The following PCDHA5 variants were observed in gnomAD, a reference collection of about 807,000 sequenced individuals.
The protein encoded by PCDHA5 is protocadherin alpha 5.
PCDHA5 carries 43 observed loss-of-function variants against 61.6 expected under a neutral mutation model. The observed-to-expected ratio is 0.70, with a 90% CI of 0.55 to 0.90. PCDHA5 has a LOEUF of 0.90. Among genes scored for constraint, PCDHA5 ranks in the 40% least tolerant of loss-of-function variants. The pLI, the probability that PCDHA5 is intolerant of heterozygous loss-of-function variation, is 0.00. For synonymous variants in PCDHA5, 627 were observed against 543.9 expected, an observed-to-expected ratio of 1.15 and a Z score of -2.13; for missense variants, 1,298 against 1,222.7, an observed-to-expected ratio of 1.06 and a Z score of -0.92.
rs911070094 is a variant in PCDHA5, at chr5:141,009,570, G to A, written c.2501-57G>A. On this transcript the variant is annotated intron_variant, in intron 3 of 3. Coordinates refer to ENST00000529859, the MANE Select transcript of PCDHA5 (RefSeq NM_018908.3). ...AGTACTCCTGTACTCTACCAGCAGT[G>A]TGGCATCAAGAGCATGTGTTGACCC... The A allele has an allele frequency of 1.9e-6, 3 of 1,577,968 alleles. No homozygotes were observed. In the Admixed American group the frequency reaches 5.2e-5, roughly 28 times the overall value.
intron 1 of PCDHA5, chr5:140,858,360 G>T: frequency 6.3e-7 from 1 of 1,592,532 alleles, no homozygotes; most frequent in Non-Finnish European, 8.6e-7. Context: ...ATGGCCTTCA[G>T]CCCCAGCCTT....
chr5:140,935,894 CT>C (rs55841305), intron 1 of PCDHA5, among the ~76,000 whole-genome samples: 1,605 of 136,716 alleles, frequency 0.012, 14 homozygotes, highest in Non-Finnish European at 0.016. Context: ...TCAATATTAT[CT>C]TTTTTTTTTT....
intron 1 of PCDHA5, among the ~76,000 whole-genome samples, chr5:140,920,592 T>C (rs1226483981): frequency 6.6e-6 from 1 of 152,158 alleles, no homozygotes; most frequent in Non-Finnish European, 1.5e-5. Flanking sequence ...ACGCCTGTAA[T>C]CCCAGCACTT....
chr5:140,868,951 A>C (rs2050753987), intron 1 of PCDHA5: 1 of 1,321,466 alleles, frequency 7.6e-7, no homozygotes, highest in African/African-American at 1.5e-5. Context: ...ACAGTGAGGC[A>C]CTCCCATACA....
At chr5:140,877,443 C>G (rs376417721) in intron 1 of PCDHA5, 15 of 1,613,726 alleles carry the variant, frequency 9.3e-6, no homozygotes, top group African/African-American at 1.3e-5. Context: ...ACGGTGAGCC[C>G]GCGCTGACGT....
At chr5:140,833,928 T>C (rs954480952) in intron 1 of PCDHA5, among the ~76,000 whole-genome samples, 1 of 152,174 alleles carries the variant, frequency 6.6e-6, no homozygotes, top group Admixed American at 6.6e-5. Context: ...TAAATTCATG[T>C]TGTCACTTAG....
At chr5:140,944,846 G>A (rs269554) in intron 1 of PCDHA5, among the ~76,000 whole-genome samples, 33,882 of 151,952 alleles carry the variant, frequency 0.22, 4,860 homozygotes, top group African/African-American at 0.41. Context: ...TGAGATATTA[G>A]AATCATCCTT....
chr5:140,942,926 GAA>G (rs1554215307), intron 1 of PCDHA5, among the ~76,000 whole-genome samples: 2 of 151,984 alleles, frequency 1.3e-5, no homozygotes, highest in East Asian at 3.9e-4. Flanking sequence ...AAAAAAAATT[GAA>G]AAAGAGTTTA....
intron 1 of PCDHA5, chr5:140,882,945 T>C (rs1554176195): frequency 6.2e-7 from 1 of 1,614,194 alleles, no homozygotes; most frequent in Non-Finnish European, 8.5e-7. Flanking sequence ...ACTGGCACAG[T>C]TCAGCTGCTC....
chr5:140,869,030 T>C (rs1049032233), intron 1 of PCDHA5: 5 of 1,526,396 alleles, frequency 3.3e-6, no homozygotes, highest in Non-Finnish European at 4.4e-6. Flanking sequence ...TTCAACGAGA[T>C]TTTTAACCTG....
At chr5:140,959,754 T>C (rs1265254392) in intron 1 of PCDHA5, among the ~76,000 whole-genome samples, 1 of 152,222 alleles carries the variant, frequency 6.6e-6, no homozygotes, top group East Asian at 1.9e-4. Flanking sequence ...TAAAGTATAT[T>C]TTAATATTCA....
intron 1 of PCDHA5, chr5:140,836,576 A>C (rs1554136097): frequency 1.2e-6 from 2 of 1,613,572 alleles, no homozygotes; most frequent in African/African-American, 1.3e-5. Flanking sequence ...CTGAGGGCGC[A>C]TGTAGTTTGG....
rs1767016951 is a variant in PCDHA5 at position 140,821,628 on chromosome 5, A to G, written c.-148A>G. ...TACAGTGAGTAGATTTTCCTTAGAC[A>G]GAAAGGAAAAGAACCTTCCATTTTT... is the stretch of plus-strand genomic sequence containing the variant. On this transcript the variant is annotated 5_prime_UTR_variant, in exon 1 of 4. Transcript: ENST00000529859. 2 of 935,326 alleles carry G rather than the reference A, an allele frequency of 2.1e-6. No individual in the cohort carries two copies. The highest frequency in any genetic ancestry group is 3.1e-6 in the Non-Finnish European group (2 of 641,334). 57.9% of individuals were successfully genotyped at this position (935,326 alleles called of 1,614,324 possible). A position where few individuals can be genotyped will look rare whatever the true frequency, so the allele number is the denominator to read the frequency against.
intron 1 of PCDHA5, among the ~76,000 whole-genome samples, chr5:140,971,538 C>T (rs1162304462): frequency 6.6e-6 from 1 of 152,122 alleles, no homozygotes; most frequent in African/African-American, 2.4e-5. Flanking sequence ...GTCATCATTG[C>T]CAGATCAACC....
intron 1 of PCDHA5, among the ~76,000 whole-genome samples, chr5:140,902,916 A>G (rs940228069): frequency 2.0e-5 from 3 of 152,174 alleles, no homozygotes; most frequent in African/African-American, 4.8e-5. Context: ...GCTGAGTAGT[A>G]TTGCATGGTG....
In PCDHA5 at chr5:140,856,797, T is replaced by C. The variant is rs116416365; in HGVS notation, c.2352+32670T>C. The C allele has an allele frequency of 1.0e-3, 1,647 of 1,595,690 alleles. 103 individuals carry two copies. The African/African-American group carries it at 0.02, about 19-fold the overall frequency. On this transcript the variant is annotated intron_variant, in intron 1 of 3. Transcript: ENST00000529859. ...GACAGACCGGTTTATGAAGTTAAGA[T>C]GTATGAAAATCAAGTGAACCAAACA... is the stretch of plus-strand genomic sequence containing the variant.
At chr5:140,876,861 C>A in intron 1 of PCDHA5, 2 of 1,614,088 alleles carry the variant, frequency 1.2e-6, no homozygotes, top group Non-Finnish European at 1.7e-6. Flanking sequence ...ACACAGTGTT[C>A]GTGAAGGAGA....
At chr5:140,836,491 C>G (rs2150261960) in intron 1 of PCDHA5, 33 of 1,613,882 alleles carry the variant, frequency 2.0e-5, no homozygotes, top group Admixed American at 3.3e-5. Context: ...CTGATCATCG[C>G]CATCTGCGCG....
chr5:140,868,999 T>A (rs976594778), intron 1 of PCDHA5: 72 of 1,518,578 alleles, frequency 4.7e-5, no homozygotes, highest in African/African-American at 4.5e-4. Flanking sequence ...CGTTTAAGGA[T>A]CCTTTGAAAC....
Sources: allele counts gnomAD v4.1 joint callset (sites outside exome capture counted in the v4.1 genomes callset), GRCh38; gene constraint gnomAD v4.1.1; transcripts MANE v1.5; gene names NCBI Gene and HGNC (gene_info 2026-07-23, HGNC 2026-07-21).